Variants in ZFHX3 observed in about 807,000 individuals in gnomAD.
The protein encoded by ZFHX3 is zinc finger homeobox protein 3.
ZFHX3 carries 42 observed loss-of-function variants against 279.1 expected under a neutral mutation model. That is an observed-to-expected ratio of 0.15 (90% CI 0.12 to 0.19). ZFHX3 has a LOEUF of 0.19. Among genes scored for constraint, ZFHX3 ranks in the 10% least tolerant of loss-of-function variants. ZFHX3 has a pLI of 1.00. For synonymous variants in ZFHX3, 2,293 were observed against 1,957.8 expected (o/e 1.17, Z -4.52); for missense variants, 4,981 against 4,754.0 (o/e 1.05, Z -1.40).
intron 1 of ZFHX3, among the ~76,000 whole-genome samples, chr16:73,812,444 G>C (rs568878712): frequency 6.6e-6 from 1 of 152,256 alleles, no homozygotes; most frequent in South Asian, 2.1e-4. Context: ...CCTCCAGAAA[G>C]TCTTGCAAAC....
At chr16:73,587,773 T>C (rs892105458) in intron 2 of ZFHX3, among the ~76,000 whole-genome samples, 3 of 152,198 alleles carry the variant, frequency 2.0e-5, no homozygotes, top group Admixed American at 2.0e-4. Flanking sequence ...ATGAAATATA[T>C]CATGTAATAG....
chr16:73,470,855 A>G (rs2018653585), intron 2 of ZFHX3, among the ~76,000 whole-genome samples: 1 of 152,170 alleles, frequency 6.6e-6, no homozygotes, highest in South Asian at 2.1e-4. Flanking sequence ...GATCCAGTCA[A>G]TTTCTTAGAA....
At chr16:73,121,336 G>A (rs1966496497) in intron 7 of ZFHX3, among the ~76,000 whole-genome samples, 2 of 152,200 alleles carry the variant, frequency 1.3e-5, no homozygotes, top group South Asian at 4.1e-4. Flanking sequence ...TAGTGAAATG[G>A]TAATATTTTG....
At chr16:73,708,420 G>A (rs757096211) in intron 1 of ZFHX3, among the ~76,000 whole-genome samples, 2 of 152,120 alleles carry the variant, frequency 1.3e-5, no homozygotes, top group African/African-American at 4.8e-5. Flanking sequence ...TATGACACAG[G>A]TTCATTAAAG....
At chr16:73,217,804 G>A (rs1348933250) in intron 5 of ZFHX3, among the ~76,000 whole-genome samples, 1 of 151,910 alleles carries the variant, frequency 6.6e-6, no homozygotes, top group Non-Finnish European at 1.5e-5. Flanking sequence ...GTTTACAGAG[G>A]AGCCCAGGAC....
At chr16:73,754,505 C>T (rs928094284) in intron 1 of ZFHX3, among the ~76,000 whole-genome samples, 1 of 152,094 alleles carries the variant, frequency 6.6e-6, no homozygotes, top group Non-Finnish European at 1.5e-5. Flanking sequence ...GGTTTTCCAC[C>T]GTCCTTGGGC....
chr16:72,896,226 C>T (rs1027225691), intron 3 of ZFHX3, among the ~76,000 whole-genome samples: 4 of 152,288 alleles, frequency 2.6e-5, no homozygotes, highest in Admixed American at 6.5e-5. Flanking sequence ...GGCTCACTCA[C>T]GTCAGTCAAA....
At chr16:73,824,479 C>A (rs1205256670) in intron 1 of ZFHX3, among the ~76,000 whole-genome samples, 2 of 126,158 alleles carry the variant, frequency 1.6e-5, no homozygotes, top group Non-Finnish European at 3.3e-5. Context: ...TATACATGTG[C>A]CATGCTGGTG....
intron 1 of ZFHX3, among the ~76,000 whole-genome samples, chr16:73,873,442 A>T (rs567379366): frequency 2.0e-5 from 3 of 152,194 alleles, no homozygotes; most frequent in South Asian, 4.1e-4. Flanking sequence ...AAATCCTCCC[A>T]CTCATTTTAT....
chr16:72,947,787 C>T (rs755723174), intron 3 of ZFHX3, among the ~76,000 whole-genome samples: 1 of 152,076 alleles, frequency 6.6e-6, no homozygotes, highest in Non-Finnish European at 1.5e-5. Flanking sequence ...GCATCTGGAG[C>T]GGTTTCTCTA....
chr16:73,174,468 AG>A (rs1044959944), intron 5 of ZFHX3, among the ~76,000 whole-genome samples: 9 of 152,150 alleles, frequency 5.9e-5, no homozygotes, highest in Admixed American at 5.9e-4. Flanking sequence ...TAGTGGTAGA[AG>A]GGGGCTGGTA....
intron 7 of ZFHX3, among the ~76,000 whole-genome samples, chr16:73,103,698 T>G (rs1966259212): frequency 6.6e-6 from 1 of 152,204 alleles, no homozygotes; most frequent in Non-Finnish European, 1.5e-5. Context: ...CTGTGTTTAC[T>G]AAAATGCGGA....
intron 3 of ZFHX3, among the ~76,000 whole-genome samples, chr16:72,931,576 A>C (rs554379316): frequency 4.7e-4 from 72 of 152,134 alleles, no homozygotes; most frequent in African/African-American, 1.5e-3. Context: ...TAAAAAAAAA[A>C]AAAAAAAAGT....
intron 2 of ZFHX3, among the ~76,000 whole-genome samples, chr16:73,509,893 AC>A (rs1458286597): frequency 6.6e-6 from 1 of 152,034 alleles, no homozygotes; most frequent in Non-Finnish European, 1.5e-5. Flanking sequence ...ACGAGGTTTC[AC>A]CATGTTGGCC....
At chr16:72,991,918 A>G (rs1360224578) in intron 1 of ZFHX3, among the ~76,000 whole-genome samples, 1 of 152,186 alleles carries the variant, frequency 6.6e-6, no homozygotes, top group African/African-American at 2.4e-5. Flanking sequence ...GATTCCTCAG[A>G]CACAATTGCT....
At chr16:73,877,602 T>C (rs1245621119) in intron 1 of ZFHX3, among the ~76,000 whole-genome samples, 1 of 152,016 alleles carries the variant, frequency 6.6e-6, no homozygotes, top group Non-Finnish European at 1.5e-5. Context: ...AAATAATAAC[T>C]AAATACACAG....
chr16:73,596,385 G>C (rs940983757), intron 2 of ZFHX3, among the ~76,000 whole-genome samples: 1 of 152,058 alleles, frequency 6.6e-6, no homozygotes, highest in Non-Finnish European at 1.5e-5. Context: ...CTAAACTATA[G>C]CTCTGTCATT....
intron 2 of ZFHX3, among the ~76,000 whole-genome samples, chr16:73,670,937 A>T (rs922931049): frequency 1.3e-5 from 2 of 152,248 alleles, no homozygotes; most frequent in Non-Finnish European, 2.9e-5. Flanking sequence ...AACATTCTAC[A>T]GTTACTAATA....
At chr16:73,223,726 T>C (rs559063424) in intron 5 of ZFHX3, among the ~76,000 whole-genome samples, 1 of 152,316 alleles carries the variant, frequency 6.6e-6, no homozygotes, top group East Asian at 1.9e-4. Context: ...AGTTGAAAAC[T>C]TATGTCTACT....
Sources: allele counts gnomAD v4.1 joint callset (sites outside exome capture counted in the v4.1 genomes callset), GRCh38; gene constraint gnomAD v4.1.1; transcripts MANE v1.5; gene names NCBI Gene and HGNC (gene_info 2026-07-23, HGNC 2026-07-21).